Variants in ZNF480 observed in about 807,000 individuals in gnomAD.
The protein encoded by ZNF480 is zinc finger protein 480.
In ZNF480, 15 loss-of-function variants were observed where a neutral mutation model predicts 14.4. The ratio of observed to expected loss-of-function variants is 1.04; its 90% CI spans 0.70 to 1.60. ZNF480 has a LOEUF of 1.60. ZNF480 is among the 40% of genes most tolerant of loss of function. The pLI, the probability that ZNF480 is intolerant of heterozygous loss-of-function variation, is 0.00. For synonymous variants in ZNF480, 218 were observed against 215.5 expected (o/e 1.01, Z -0.10); for missense variants, 593 against 629.7 (o/e 0.94, Z 0.62).
intron 2 of ZNF480, among the ~76,000 whole-genome samples, chr19:52,312,901 G>C (rs1983358399): frequency 6.6e-6 from 1 of 151,858 alleles, no homozygotes; most frequent in Admixed American, 6.6e-5. Flanking sequence ...GCTCATCGCA[G>C]CTTCTGCCTC....
At chr19:52,315,760 T>C (rs1983519020) in intron 3 of ZNF480, 74 bp from the exon 4 acceptor site, 2 of 1,515,194 alleles carry the variant, frequency 1.3e-6, no homozygotes, top group Non-Finnish European at 1.8e-6. Context: ...TGTGATATCC[T>C]GTCTCCTTCC....
chr19:52,319,921 G>A (rs559092650), intron 4 of ZNF480, among the ~76,000 whole-genome samples: 68 of 149,978 alleles, frequency 4.5e-4, no homozygotes, highest in Admixed American at 2.7e-3. Context: ...AGGTTCAAGC[G>A]ATTCTCCTGC....
rs754804434 is a variant in ZNF480 at position 52,300,375 on chromosome 19, G to T, written c.-19-19G>T. On this transcript the variant is annotated intron_variant, in intron 1 of 4. Transcript: ENST00000595962. ...GTGTGTTGATTCTAAGCCCTAAACA[G>T]CATATTTTTGACATTTAGGATTGAC... 1.2e-6 allele frequency: 2 copies of T among 1,609,850 alleles called. No homozygotes were observed. Among genetic ancestry groups the T allele is most frequent in the Admixed American group, 3.3e-5 (2 of 59,850 alleles).
intron 4 of ZNF480, among the ~76,000 whole-genome samples, chr19:52,321,299 G>A (rs1983797187): frequency 6.6e-6 from 1 of 151,970 alleles, no homozygotes; most frequent in Admixed American, 6.6e-5. Context: ...CTAGAGACTT[G>A]TCCCTTCTTT....
chr19:52,315,389 C>G (rs1185942985), intron 3 of ZNF480, among the ~76,000 whole-genome samples: 3 of 151,280 alleles, frequency 2.0e-5, no homozygotes, highest in Non-Finnish European at 4.4e-5. Flanking sequence ...GATCTTGGCT[C>G]ACTGCAACCT....
intron 4 of ZNF480, 34 bp downstream of exon 4, chr19:52,315,996 C>G: frequency 6.5e-7 from 1 of 1,527,596 alleles, no homozygotes; most frequent in Non-Finnish European, 8.8e-7. Flanking sequence ...GGAAGCCATG[C>G]TGTTGTTTGG....
intron 2 of ZNF480, 91 bp downstream of exon 2, chr19:52,300,575 T>C: frequency 6.3e-7 from 1 of 1,590,076 alleles, no homozygotes; most frequent in Non-Finnish European, 8.5e-7. Flanking sequence ...GTCTGAAGTG[T>C]CCTGCCTGAC....
chr19:52,318,134 G>A (rs113587833), intron 4 of ZNF480, among the ~76,000 whole-genome samples: 6 of 151,592 alleles, frequency 4.0e-5, no homozygotes, highest in African/African-American at 1.5e-4. Flanking sequence ...TTGAGACGGA[G>A]TCTTGCTCTG....
intron 4 of ZNF480, among the ~76,000 whole-genome samples, chr19:52,316,219 T>TCTTTCTTTCTTC (rs1177274335): frequency 1.3e-5 from 2 of 149,836 alleles, no homozygotes; most frequent in African/African-American, 5.0e-5. Context: ...TTTCTTTCTT[T>TCTTTCTTTCTTC]CTTCCTTTCT....
rs749263973 is a variant in ZNF480, at chr19:52,321,766, C to T, written c.516C>T (p.Ser172=). 6.2e-7 allele frequency: 1 copy of T among 1,613,546 alleles called. No homozygotes were observed. Among genetic ancestry groups the T allele is most frequent in the Non-Finnish European group, 8.5e-7 (1 of 1,179,666 alleles). Residue 172 remains serine (S), a synonymous_variant, in exon 5 of 5, where the codon TCC becomes TCT. Coordinates refer to ENST00000595962, the MANE Select transcript of ZNF480 (RefSeq NM_144684.4). ...TTTCCTGTCTTCAAGAAATGTCTTC[C>T]AGTGTCAAAACCCCCATTTTTAATA... ...SSVSCLQEMS[S]SVKTPIFNRN...
intron 2 of ZNF480, among the ~76,000 whole-genome samples, chr19:52,313,303 A>G (rs1369405200): frequency 7.0e-6 from 1 of 143,448 alleles, no homozygotes; most frequent in African/African-American, 2.6e-5. Flanking sequence ...ACGCCCAGCT[A>G]ATTTTTGTAT....
At position 52,321,737 on chromosome 19, in the gene ZNF480, T is replaced by G. The variant is rs1236259121; in HGVS notation, c.487T>G (p.Ser163Ala). 10 of 1,613,956 alleles carry G rather than the reference T, an allele frequency of 6.2e-6. No homozygotes were observed. Among genetic ancestry groups the G allele is most frequent in the Non-Finnish European group, 8.5e-6 (10 of 1,179,976 alleles). The change falls in exon 5 of 5, where the codon TCT becomes GCT. Residue 163 changes from serine (S) to alanine (A), a missense_variant. Transcript: ENST00000595962. ...TGAAAACTTTATCAACCACAGTTCCTCTGTTTCCTGTCTTCAAGAAATGTC... is the reference window on the plus strand; with the variant it reads ...TGAAAACTTTATCAACCACAGTTCCGCTGTTTCCTGTCTTCAAGAAATGTC... ...QVENFINHSS[S>A]VSCLQEMSSS...
intron 2 of ZNF480, chr19:52,307,387 C>T (rs1982987020): frequency 6.6e-6 from 1 of 152,240 alleles, no homozygotes; most frequent in South Asian, 2.1e-4. Flanking sequence ...CCCCTTCTTA[C>T]TCACCGCAGG....
intron 2 of ZNF480, among the ~76,000 whole-genome samples, chr19:52,312,546 C>A (rs1353240744): frequency 6.6e-6 from 1 of 152,230 alleles, no homozygotes; most frequent in Non-Finnish European, 1.5e-5. Flanking sequence ...ACTTTTGATG[C>A]TGATCTGTTC....
intron 4 of ZNF480, 119 bp downstream of exon 4, chr19:52,316,081 G>C (rs2122550353): frequency 4.7e-6 from 5 of 1,057,538 alleles, no homozygotes; most frequent in Non-Finnish European, 6.5e-6. Flanking sequence ...TTTTGAGATG[G>C]AGTTTCACTG....
At chr19:52,316,082 A>C in intron 4 of ZNF480, 120 bp downstream of exon 4, 1 of 1,059,214 alleles carries the variant, frequency 9.4e-7, no homozygotes, top group Non-Finnish European at 1.3e-6. Flanking sequence ...TTTGAGATGG[A>C]GTTTCACTGT....
chr19:52,305,856 C>A (rs1982903612), intron 2 of ZNF480, among the ~76,000 whole-genome samples: 3 of 152,222 alleles, frequency 2.0e-5, no homozygotes, highest in Non-Finnish European at 2.9e-5. Context: ...CCATCTTCAT[C>A]AAACTTAGAG....
intron 2 of ZNF480, among the ~76,000 whole-genome samples, chr19:52,304,422 A>G (rs1982832295): frequency 6.6e-6 from 1 of 152,152 alleles, no homozygotes; most frequent in South Asian, 2.1e-4. Flanking sequence ...GGAGAATTCC[A>G]GGGGGAAAAT....
At chr19:52,316,924 C>A (rs181491157) in intron 4 of ZNF480, among the ~76,000 whole-genome samples, 241 of 152,252 alleles carry the variant, frequency 1.6e-3, no homozygotes, top group African/African-American at 5.7e-3. Flanking sequence ...TTTGTCTGTA[C>A]CACAGTTTGT....
Sources: gnomAD v4.1 joint callset for allele counts (sites outside exome capture counted in the v4.1 genomes callset) on GRCh38, gnomAD v4.1.1 for gene constraint, MANE v1.5 for transcripts, NCBI Gene and HGNC (gene_info 2026-07-23, HGNC 2026-07-21) for gene names.